The following OTOGL variants were observed in gnomAD, a reference collection of about 807,000 sequenced individuals.
OTOGL encodes the protein otogelin-like protein.
Under a neutral mutation model 318.5 loss-of-function variants are expected in OTOGL, and 285 were observed. That is an observed-to-expected ratio of 0.89 (90% CI 0.81 to 0.99). OTOGL has a LOEUF of 0.99. Among genes scored for constraint, OTOGL ranks in the 50% least tolerant of loss-of-function variants. The pLI, the probability that OTOGL is intolerant of heterozygous loss-of-function variation, is 0.00. For missense variants in OTOGL, 2,899 were observed against 2,845.6 expected, an observed-to-expected ratio of 1.02 and a Z score of -0.43; for synonymous variants, 987 against 936.5, an observed-to-expected ratio of 1.05 and a Z score of -0.99.
chr12:80,146,048 T>C (rs1348379799), intron 1 of OTOGL, among the ~76,000 whole-genome samples: 36 of 151,198 alleles, frequency 2.4e-4, no homozygotes, highest in African/African-American at 5.9e-4. Flanking sequence ...ATACCCTTTA[T>C]TTCCTTCTCC....
chr12:80,142,443 A>T (rs1012066285), intron 1 of OTOGL, among the ~76,000 whole-genome samples: 2 of 151,966 alleles, frequency 1.3e-5, no homozygotes, highest in African/African-American at 2.4e-5. Flanking sequence ...TTCAATTAAA[A>T]CTTTTCATTC....
Position 80,318,508 on chromosome 12 carries a change from T to G in OTOGL, c.3635-38T>G, listed in dbSNP as rs1887113506. 4.2e-6 allele frequency: 5 copies of G among 1,193,624 alleles called. No homozygotes were observed. In the East Asian group the frequency reaches 1.6e-4, roughly 38 times the overall value. The allele number at this position is 1,193,624 out of a possible 1,614,324, so 73.9% of individuals were successfully genotyped here. A position where few individuals can be genotyped will look rare whatever the true frequency, so the allele number is the denominator to read the frequency against. On this transcript the variant is annotated intron_variant, in intron 32 of 58. Coordinates refer to ENST00000547103, the MANE Select transcript of OTOGL (RefSeq NM_001378609.3). The stretch of plus-strand genomic sequence containing the variant: ...ATGACAGATTGAAATTTTAAAAATC[T>G]ATGCCAATTTATAATTCTAATATTT...
At chr12:80,234,989 T>A (rs1016293468) in intron 9 of OTOGL, among the ~76,000 whole-genome samples, 2 of 152,310 alleles carry the variant, frequency 1.3e-5, no homozygotes, top group Middle Eastern at 3.4e-3. Flanking sequence ...TTGCACCCAG[T>A]TGGCATTTGC....
At chr12:80,146,452 C>T (rs1245635323) in intron 1 of OTOGL, among the ~76,000 whole-genome samples, 1 of 151,414 alleles carries the variant, frequency 6.6e-6, no homozygotes, top group African/African-American at 2.5e-5. Context: ...CTGCTGGATT[C>T]GTTTTGCCAG....
chr12:80,375,916 T>G (rs779351798), intron 57 of OTOGL, among the ~76,000 whole-genome samples: 53 of 151,870 alleles, frequency 3.5e-4, no homozygotes, highest in Non-Finnish European at 2.4e-4. Context: ...TGAAAAGAGA[T>G]AGAACCAGCA....
At chr12:80,114,064 T>C (rs1238915180) in intron 1 of OTOGL, among the ~76,000 whole-genome samples, 4 of 152,198 alleles carry the variant, frequency 2.6e-5, no homozygotes, top group African/African-American at 9.7e-5. Context: ...TGACTCTTTA[T>C]CCAATTTGCC....
chr12:80,100,614 CT>C (rs1183876949), intron 1 of OTOGL, among the ~76,000 whole-genome samples: 1 of 152,100 alleles, frequency 6.6e-6, no homozygotes, highest in African/African-American at 2.4e-5. Context: ...TGAATTCACT[CT>C]GTTAATCTGT....
At chr12:80,306,865 G>T (rs1295947967) in intron 29 of OTOGL, among the ~76,000 whole-genome samples, 1 of 149,584 alleles carries the variant, frequency 6.7e-6, no homozygotes, top group Non-Finnish European at 1.5e-5. Flanking sequence ...GGGGGATTTG[G>T]CAGGATCACA....
Position 80,267,255 on chromosome 12 carries a change from TC to T in OTOGL, c.2395del (p.His799ThrfsTer31). On this transcript the variant is annotated frameshift_variant, in exon 22 of 59. Transcript: ENST00000547103. LOFTEE classifies it high-confidence loss of function. ...TACTTTACTTTTTCTTCGTATAGAT[TC>T]CACTGCCGTTGTCATTATAGGGGCA... ...EDTLNFCVPI[F>X]HCRCHYRGSV... The T allele has an allele frequency of 6.5e-7, 1 of 1,536,606 alleles. No homozygotes were observed. Among genetic ancestry groups the T allele is most frequent in the Non-Finnish European group, 8.9e-7 (1 of 1,123,930 alleles).
intron 1 of OTOGL, among the ~76,000 whole-genome samples, chr12:80,201,298 C>T (rs906766782): frequency 2.5e-4 from 38 of 152,148 alleles, no homozygotes; most frequent in African/African-American, 8.5e-4. Context: ...GTTTTTCAGG[C>T]TGTACAAGAA....
At chr12:80,261,818 C>T (rs1263020011) in intron 18 of OTOGL, 151 bp from the exon 19 acceptor site, 5 of 919,466 alleles carry the variant, frequency 5.4e-6, no homozygotes, top group East Asian at 2.9e-5. Context: ...AGCTTAATAT[C>T]GTTGTACTTT....
chr12:80,318,586 G>A lies in OTOGL; in HGVS notation c.3675G>A (p.Gln1225=). 1 of 1,432,178 alleles carries A rather than the reference G, an allele frequency of 7.0e-7. No individual in the cohort carries two copies. The highest frequency in any genetic ancestry group is 1.6e-5 in the South Asian group (1 of 61,604). The allele number at this position is 1,432,178 out of a possible 1,614,324, so 88.7% of individuals were successfully genotyped here. A position where few individuals can be genotyped will look rare whatever the true frequency, so the allele number is the denominator to read the frequency against. The change falls in exon 33 of 59, where the codon CAG becomes CAA. Residue 1225 remains glutamine (Q), a synonymous_variant. Transcript: ENST00000547103. The part of the protein sequence containing the change: ...EGPYMLASYG[Q]SGLVLGANMT... ...CATATATGCTGGCAAGCTATGGGCA[G>A]AGTGGCCTTGTTCTGGGGGCCAATA...
At chr12:80,367,377 G>A (rs1890606934) in intron 53 of OTOGL, among the ~76,000 whole-genome samples, 184 bp from the exon 54 acceptor site, 1 of 151,972 alleles carries the variant, frequency 6.6e-6, no homozygotes, top group Non-Finnish European at 1.5e-5. Flanking sequence ...TTATGTTAAG[G>A]AATAGTGTAC....
chr12:80,187,407 A>G lies in OTOGL; in HGVS notation c.-19-22006A>G, dbSNP rs141413256. Among the ~76,000 whole-genome samples the G allele has an allele frequency of 1.8e-3, 276 of 152,324 alleles. 2 individuals are homozygous for G. Among genetic ancestry groups the G allele is most frequent in the African/African-American group, 6.5e-3 (270 of 41,566 alleles). On this transcript the variant is annotated intron_variant, in intron 1 of 58. Coordinates refer to ENST00000547103, the MANE Select transcript of OTOGL (RefSeq NM_001378609.3). ...AGCCAGTCCTGAAGATCCAGCAGAA[A>G]TATGGAGGAAGGATGACACGAAGCC...
At chr12:80,356,376 T>C (rs994585292) in intron 47 of OTOGL, 40 bp from the exon 48 acceptor site, 5 of 1,496,344 alleles carry the variant, frequency 3.3e-6, no homozygotes, top group Non-Finnish European at 4.6e-6. Flanking sequence ...CAGATTTTAG[T>C]TGTGTTCACT....
At chr12:80,249,485 G>T (rs976335894) in intron 11 of OTOGL, among the ~76,000 whole-genome samples, 1 of 151,536 alleles carries the variant, frequency 6.6e-6, no homozygotes, top group African/African-American at 2.4e-5. Flanking sequence ...TCGGGGGTCA[G>T]GGGTCAGGGA....
intron 55 of OTOGL, among the ~76,000 whole-genome samples, chr12:80,368,755 T>G (rs1162226506): frequency 6.6e-6 from 1 of 151,716 alleles, no homozygotes; most frequent in Non-Finnish European, 1.5e-5. Flanking sequence ...AAGAAAATAG[T>G]CAGGTTCATC....
At chr12:80,208,121 A>AT in intron 1 of OTOGL, 2 of 470,492 alleles carry the variant, frequency 4.3e-6, no homozygotes, top group Non-Finnish European at 8.5e-6. Flanking sequence ...TTTTAGTGAA[A>AT]TTTGGATGTA....
intron 24 of OTOGL, among the ~76,000 whole-genome samples, chr12:80,275,131 C>A (rs997781185): frequency 1.3e-4 from 19 of 151,796 alleles, no homozygotes; most frequent in Admixed American, 7.2e-4. Context: ...GCTATACCTG[C>A]CATAGATAGT....
Sources: allele counts gnomAD v4.1 joint callset (sites outside exome capture counted in the v4.1 genomes callset), GRCh38; gene constraint gnomAD v4.1.1; transcripts MANE v1.5; gene names NCBI Gene and HGNC (gene_info 2026-07-23, HGNC 2026-07-21).